SCAMP1: variants seen among roughly 807,000 people sequenced by gnomAD.
SCAMP1 encodes the protein secretory carrier-associated membrane protein 1.
In SCAMP1, 15 loss-of-function variants were observed where a neutral mutation model predicts 41.8. The ratio of observed to expected loss-of-function variants is 0.36; its 90% CI spans 0.24 to 0.55. The LOEUF is 0.55. Ranked by LOEUF, SCAMP1 falls within the 20% of genes least tolerant of loss-of-function variation. The pLI, the probability that SCAMP1 is intolerant of heterozygous loss-of-function variation, is 0.86. For synonymous variants in SCAMP1, 135 were observed against 136.8 expected (o/e 0.99, Z 0.09); for missense variants, 341 against 412.6 (o/e 0.83, Z 1.50).
chr5:78,456,963 C>T (rs1164053676), intron 7 of SCAMP1, among the ~76,000 whole-genome samples: 1 of 135,188 alleles, frequency 7.4e-6, no homozygotes, highest in Admixed American at 7.3e-5. Flanking sequence ...ACCCTTTCTT[C>T]CAGTTGATCG....
intron 1 of SCAMP1, among the ~76,000 whole-genome samples, chr5:78,382,561 G>A (rs571593274): frequency 2.6e-5 from 4 of 152,102 alleles, no homozygotes; most frequent in East Asian, 1.9e-4. Context: ...TCTTTTATCC[G>A]TCACCCAACT....
chr5:78,380,358 A>G (rs979816014), intron 1 of SCAMP1, among the ~76,000 whole-genome samples: 2 of 152,208 alleles, frequency 1.3e-5, no homozygotes, highest in African/African-American at 4.8e-5. Context: ...TTATTTTGCT[A>G]GGTATTGCCA....
chr5:78,425,127 A>G (rs1580684617), intron 6 of SCAMP1, among the ~76,000 whole-genome samples: 1 of 152,312 alleles, frequency 6.6e-6, no homozygotes, highest in East Asian at 1.9e-4. Flanking sequence ...TTTACATTTT[A>G]TGATCTATAA....
At chr5:78,432,677 T>C (rs1010262063) in intron 6 of SCAMP1, among the ~76,000 whole-genome samples, 5 of 151,914 alleles carry the variant, frequency 3.3e-5, no homozygotes, top group African/African-American at 9.7e-5. Context: ...ATATGATGTG[T>C]TAAAGTACGT....
At chr5:78,373,840 A>G (rs1311593863) in intron 1 of SCAMP1, among the ~76,000 whole-genome samples, 1 of 152,152 alleles carries the variant, frequency 6.6e-6, no homozygotes, top group African/African-American at 2.4e-5. Context: ...GTTTGAGTGG[A>G]CCTAATGGTA....
chr5:78,450,123 A>G, intron 7 of SCAMP1, 89 bp downstream of exon 7: 2 of 698,718 alleles, frequency 2.9e-6, no homozygotes, highest in Non-Finnish European at 4.8e-6. Context: ...CAGATAAACC[A>G]GATTAGAAAA....
intron 1 of SCAMP1, 109 bp downstream of exon 1, chr5:78,360,837 C>T (rs966259287): frequency 1.8e-6 from 2 of 1,127,112 alleles, no homozygotes; most frequent in African/African-American, 3.2e-5. Context: ...CCTTAGCAGC[C>T]CAGAGAGGGG....
intron 2 of SCAMP1, among the ~76,000 whole-genome samples, chr5:78,396,610 A>G (rs1411840122): frequency 6.6e-6 from 1 of 152,130 alleles, no homozygotes; most frequent in Admixed American, 6.5e-5. Flanking sequence ...TGGCCCTTAG[A>G]TGGTATTTAA....
chr5:78,372,613 G>A (rs951997557), intron 1 of SCAMP1, among the ~76,000 whole-genome samples: 2 of 151,974 alleles, frequency 1.3e-5, no homozygotes, highest in African/African-American at 4.8e-5. Context: ...TCCAACATTT[G>A]TATGAAACCT....
Position 78,476,695 on chromosome 5 carries a change from T to A in SCAMP1, c.*1027T>A, listed in dbSNP as rs1754012371. The A allele has an allele frequency of 6.6e-6, 1 of 152,492 alleles. No homozygotes were observed. Among genetic ancestry groups the A allele is most frequent in the Non-Finnish European group, 1.5e-5 (1 of 67,964 alleles). 9.4% of individuals were successfully genotyped at this position (152,492 alleles called of 1,614,324 possible). ...TTTCCTTTTAGCTTTTCATCTCCAG[T>A]GGCATTAAACATAAAAAGACCCTGG... On this transcript the variant is annotated 3_prime_UTR_variant, in exon 9 of 9. Transcript: ENST00000621999.
chr5:78,429,265 T>G (rs901669751), intron 6 of SCAMP1, among the ~76,000 whole-genome samples: 1 of 151,784 alleles, frequency 6.6e-6, no homozygotes, highest in African/African-American at 2.4e-5. Flanking sequence ...AGGATGATAT[T>G]GACTGTAGAT....
intron 2 of SCAMP1, among the ~76,000 whole-genome samples, chr5:78,414,538 C>T (rs1451692607): frequency 3.9e-5 from 6 of 152,146 alleles, no homozygotes; most frequent in Non-Finnish European, 5.9e-5. Context: ...GCCTCGGCCT[C>T]CCAAAGTACT....
chr5:78,466,215 A>G (rs371367136), intron 8 of SCAMP1, among the ~76,000 whole-genome samples: 7 of 152,336 alleles, frequency 4.6e-5, no homozygotes, highest in African/African-American at 1.7e-4. Context: ...TTGAGCATAT[A>G]TTACGTGCCA....
chr5:78,418,638 G>T (rs1184918687), intron 4 of SCAMP1, 137 bp from the exon 5 acceptor site: 1 of 608,350 alleles, frequency 1.6e-6, no homozygotes, highest in African/African-American at 1.9e-5. Context: ...AGAGTTCTAG[G>T]AATACAAAGA....
chr5:78,460,812 C>CT (rs1211929705), intron 8 of SCAMP1, among the ~76,000 whole-genome samples: 1 of 25,470 alleles, frequency 3.9e-5, no homozygotes, highest in African/African-American at 9.0e-5. Context: ...TTCCTCCCTT[C>CT]CTTCCTTCCT....
At chr5:78,462,511 A>T (rs1005406022) in intron 8 of SCAMP1, among the ~76,000 whole-genome samples, 1 of 152,014 alleles carries the variant, frequency 6.6e-6, no homozygotes, top group African/African-American at 2.4e-5. Flanking sequence ...TTTTTAGTAG[A>T]GATGATTTCG....
At chr5:78,437,950 T>C (rs1453666309) in intron 6 of SCAMP1, among the ~76,000 whole-genome samples, 2 of 152,332 alleles carry the variant, frequency 1.3e-5, no homozygotes, top group East Asian at 1.9e-4. Flanking sequence ...TGGGAGGGTG[T>C]ATGTATCCAG....
chr5:78,425,108 A>G (rs1434191625), intron 6 of SCAMP1, among the ~76,000 whole-genome samples: 4 of 152,120 alleles, frequency 2.6e-5, no homozygotes, highest in Non-Finnish European at 5.9e-5. Context: ...ACCCTCTTAG[A>G]TTTTATCATT....
chr5:78,450,568 C>T (rs1561282038), intron 7 of SCAMP1, among the ~76,000 whole-genome samples: 1 of 152,168 alleles, frequency 6.6e-6, no homozygotes, highest in Non-Finnish European at 1.5e-5. Flanking sequence ...GAAATGGAGA[C>T]TATCTGGACC....
Sources: allele counts gnomAD v4.1 joint callset (sites outside exome capture counted in the v4.1 genomes callset), GRCh38; gene constraint gnomAD v4.1.1; transcripts MANE v1.5; gene names NCBI Gene and HGNC (gene_info 2026-07-23, HGNC 2026-07-21).